Variants in ADCY3 observed in about 807,000 individuals in gnomAD.
The protein encoded by ADCY3 is adenylate cyclase type 3.
Under a neutral mutation model 119.4 loss-of-function variants are expected in ADCY3, and 70 were observed. That is an observed-to-expected ratio of 0.59 (90% CI 0.48 to 0.72). The LOEUF (loss-of-function observed/expected upper bound fraction) is 0.72. Among genes scored for constraint, ADCY3 ranks in the 30% least tolerant of loss-of-function variants. The probability of loss-of-function intolerance (pLI) is 0.00; values close to 1 mark genes in which losing one functional copy is unlikely to be tolerated. For missense variants in ADCY3, 1,238 were observed against 1,541.6 expected (o/e 0.80, Z 3.30); for synonymous variants, 672 against 621.4 (o/e 1.08, Z -1.21).
At chr2:24,917,784 G>A (rs541968657) in intron 2 of ADCY3, among the ~76,000 whole-genome samples, 3 of 152,172 alleles carry the variant, frequency 2.0e-5, no homozygotes, top group Non-Finnish European at 2.9e-5. Context: ...TGACAACTGC[G>A]TCTTCCCTCT....
At position 24,841,040 on chromosome 2, in the gene ADCY3, G is replaced by A. The variant is rs1670937075; in HGVS notation, c.1196+219C>T. Among the ~76,000 whole-genome samples the A allele has an allele frequency of 1.3e-5, 2 of 152,360 alleles. No homozygotes were observed. Among genetic ancestry groups the A allele is most frequent in the South Asian group, 2.1e-4 (1 of 4,832 alleles). On this transcript the variant is annotated intron_variant, in intron 6 of 21. Coordinates refer to ENST00000679454, the MANE Select transcript of ADCY3 (RefSeq NM_004036.5). This position sits in a 1 kb window ranked among gnomAD's most constrained non-coding sequence, Gnocchi z 5.8. ...GAAAAGTGTGCCCCACAGGCTGGGGGAGCCTCGCAGGTCCCCTGGGCTGTG... is the reference window on the plus strand; with the variant it reads ...GAAAAGTGTGCCCCACAGGCTGGGGAAGCCTCGCAGGTCCCCTGGGCTGTG...
Position 24,837,052 on chromosome 2 carries a change from G to A in ADCY3, c.1534-7C>T, listed in dbSNP as rs1293946085. 1 of 1,613,746 alleles carries A rather than the reference G, an allele frequency of 6.2e-7. No individual in the cohort carries two copies. Among genetic ancestry groups the A allele is most frequent in the East Asian group, 2.2e-5 (1 of 44,878 alleles). On this transcript the variant is annotated splice_region_variant and splice_polypyrimidine_tract_variant and intron_variant, in intron 8 of 21. Transcript: ENST00000679454. The stretch of plus-strand genomic sequence containing the variant: ...GTGCTCCATTGGGCAGGGCCTAGAG[G>A]AAAGGAGAGCTCAGCCATGATCTGG...
At chr2:24,895,068 T>C (rs1000852984) in intron 2 of ADCY3, among the ~76,000 whole-genome samples, 2 of 152,118 alleles carry the variant, frequency 1.3e-5, no homozygotes, top group Non-Finnish European at 2.9e-5. Flanking sequence ...GATTACAATG[T>C]GCCTTGATGT....
At chr2:24,875,949 C>T (rs1675631434) in intron 2 of ADCY3, among the ~76,000 whole-genome samples, 1 of 151,618 alleles carries the variant, frequency 6.6e-6, no homozygotes, top group South Asian at 2.1e-4. Flanking sequence ...TATTTCACAA[C>T]CCCATCTTTT....
rs1667172105 is a variant in ADCY3, at chr2:24,819,330, T to G, written c.*602A>C. Reference sequence around the variant, plus strand: ...AGATTAAAAATATAAATGTAGAAGATCTGTTTATATATTTTTCTTTCAGAA... The same window carrying G: ...AGATTAAAAATATAAATGTAGAAGAGCTGTTTATATATTTTTCTTTCAGAA... On this transcript the variant is annotated 3_prime_UTR_variant, in exon 22 of 22. Transcript: ENST00000679454. 1 of 151,504 alleles carries G rather than the reference T, an allele frequency of 6.6e-6. No individual in the cohort carries two copies. Among genetic ancestry groups the G allele is most frequent in the Non-Finnish European group, 1.5e-5 (1 of 67,694 alleles). 9.4% of individuals were successfully genotyped at this position (151,504 alleles called of 1,614,324 possible). A position where few individuals can be genotyped will look rare whatever the true frequency, so the allele number is the denominator to read the frequency against.
Position 24,841,476 on chromosome 2 carries a change from T to C in ADCY3, c.1068+80A>G. On this transcript the variant is annotated intron_variant, in intron 5 of 21. Coordinates refer to ENST00000679454, the MANE Select transcript of ADCY3 (RefSeq NM_004036.5). This position sits in a 1 kb window ranked among gnomAD's most constrained non-coding sequence, Gnocchi z 5.8. ...GCAGAGGAAGGACAGTGGGAGAAAA[T>C]CATGGGGCCGGGGATGGGGGCCAGG... 1 of 1,588,410 alleles carries C rather than the reference T, an allele frequency of 6.3e-7. No individual in the cohort carries two copies. Among genetic ancestry groups the C allele is most frequent in the Non-Finnish European group, 8.6e-7 (1 of 1,165,470 alleles).
At chr2:24,894,339 C>T (rs995684414) in intron 2 of ADCY3, among the ~76,000 whole-genome samples, 2 of 151,958 alleles carry the variant, frequency 1.3e-5, no homozygotes, top group African/African-American at 2.4e-5. Context: ...GCCAGACATG[C>T]TGTTATATGC....
rs1669019390 is a variant in ADCY3, at chr2:24,828,950, C to T, written c.2173-789G>A. Among the ~76,000 whole-genome samples, 3 of 152,274 alleles carry T rather than the reference C, an allele frequency of 2.0e-5. No homozygotes were observed. The South Asian group carries it at 6.2e-4, about 32-fold the overall frequency. ...GCTTCTCTTCCCTGGGTAGTGGGCA[C>T]CAGCAACCCCTGGCCAAGGTAGGCT... On this transcript the variant is annotated intron_variant, in intron 13 of 21. Coordinates refer to ENST00000679454, the MANE Select transcript of ADCY3 (RefSeq NM_004036.5).
chr2:24,847,877 G>T (rs1266240326), intron 3 of ADCY3, among the ~76,000 whole-genome samples: 4 of 152,218 alleles, frequency 2.6e-5, no homozygotes, highest in Non-Finnish European at 5.9e-5. Context: ...CAGGTGGGAG[G>T]CAGCACCCAC....
chr2:24,840,407 C>T (rs1229162735), intron 6 of ADCY3: 1 of 394,158 alleles, frequency 2.5e-6, no homozygotes, highest in Non-Finnish European at 5.1e-6. Context: ...CCGTGAACAG[C>T]CCCCTGCCTG....
Position 24,837,189 on chromosome 2 carries a change from G to A in ADCY3, c.1534-144C>T, listed in dbSNP as rs1670423056. On this transcript the variant is annotated intron_variant, in intron 8 of 21. Coordinates refer to ENST00000679454, the MANE Select transcript of ADCY3 (RefSeq NM_004036.5). ...ACTTGCTTGTGGATTGCAAAGTGAG[G>A]CGTCAAGGATGATTTCAAACTTTTT... is the stretch of plus-strand genomic sequence containing the variant. The A allele has an allele frequency of 4.1e-6, 4 of 979,594 alleles. No individual in the cohort carries two copies. In the Admixed American group the frequency reaches 9.0e-5, roughly 22 times the overall value. The allele number at this position is 979,594 out of a possible 1,614,324, so 60.7% of individuals were successfully genotyped here.
At chr2:24,829,067 C>T (rs1424786473) in intron 13 of ADCY3, among the ~76,000 whole-genome samples, 5 of 151,098 alleles carry the variant, frequency 3.3e-5, no homozygotes, top group East Asian at 3.9e-4. Context: ...CCCAGACTGG[C>T]GTGCAGTGGT....
In ADCY3 at chr2:24,834,886, G is replaced by A. The variant is rs946700376; in HGVS notation, c.1713C>T (p.Asp571=). 12 of 1,613,810 alleles carry A rather than the reference G, an allele frequency of 7.4e-6. No individual in the cohort carries two copies. The highest frequency in any genetic ancestry group is 2.7e-5 in the African/African-American group (2 of 74,940). Residue 571 remains aspartate (D), a synonymous_variant, in exon 10 of 22, where the codon GAC becomes GAT. Transcript: ENST00000679454. The surrounding 1 kb of genome is among the most constrained non-coding windows in gnomAD (Gnocchi z 4.2). ...PNPRRRLRLQ[D]LADRVVDASE... ...AGGCATCCACCACTCGGTCAGCCAG[G>A]TCCTGCAGGCGCAGCCTCCGGCGTG... is the stretch of plus-strand genomic sequence containing the variant.
chr2:24,917,683 G>T (rs1261340754), intron 2 of ADCY3, among the ~76,000 whole-genome samples: 2 of 152,130 alleles, frequency 1.3e-5, no homozygotes, highest in Non-Finnish European at 2.9e-5. Flanking sequence ...GTCCCCATTT[G>T]CATCCCCACA....
At chr2:24,871,678 C>T (rs896309213) in intron 3 of ADCY3, among the ~76,000 whole-genome samples, 1 of 152,240 alleles carries the variant, frequency 6.6e-6, no homozygotes, top group African/African-American at 2.4e-5. Flanking sequence ...CTCCTGAACA[C>T]AGATGACATG....
chr2:24,900,260 G>A (rs752201710), intron 2 of ADCY3, among the ~76,000 whole-genome samples: 5 of 143,962 alleles, frequency 3.5e-5, no homozygotes, highest in East Asian at 2.2e-4. Context: ...ACAGGTGTGC[G>A]CCACCACCCA....
At position 24,842,281 on chromosome 2, in the gene ADCY3, A is replaced by C; in HGVS notation, c.929T>G (p.Met310Arg). ...GACGTTCTCGTGACGGTACATGTAC[A>C]TGGTGTTGAACTGCTGCTGGTCCTT... The part of the protein sequence containing the change: ...SQKDQQQFNT[M>R]YMYRHENVSI... Residue 310 changes from methionine to arginine, a missense_variant, in exon 4 of 22, where the codon ATG (methionine) becomes AGG (arginine). Physicochemically the swap from Met to Arg is moderately conservative, Grantham distance 91. Transcript: ENST00000679454. This position sits in a 1 kb window ranked among gnomAD's most constrained non-coding sequence, Gnocchi z 4.9. 1 of 1,614,066 alleles carries C rather than the reference A, an allele frequency of 6.2e-7. No homozygotes were observed. Among genetic ancestry groups the C allele is most frequent in the Non-Finnish European group, 8.5e-7 (1 of 1,179,998 alleles).
Position 24,834,934 on chromosome 2 carries a change from G to A in ADCY3, c.1665C>T (p.Ala555=), listed in dbSNP as rs150893710. ...SEKPEEQDAQ[A]DNPSFPNPRR... ...GTGGGTTGGGGAATGAGGGGTTGTC[G>A]GCCTGTGAGCCAGGGAGGCAGCGTG... Residue 555 remains alanine (A), a splice_region_variant and synonymous_variant, in exon 10 of 22, where the codon GCC becomes GCT. Coordinates refer to ENST00000679454, the MANE Select transcript of ADCY3 (RefSeq NM_004036.5). The surrounding 1 kb of genome is among the most constrained non-coding windows in gnomAD (Gnocchi z 4.2). 82 of 1,613,074 alleles carry A rather than the reference G, an allele frequency of 5.1e-5. No homozygotes were observed. Among genetic ancestry groups the A allele is most frequent in the Admixed American group, 1.2e-4 (7 of 59,962 alleles).
chr2:24,892,002 A>G (rs890241849), intron 2 of ADCY3, among the ~76,000 whole-genome samples: 5 of 152,246 alleles, frequency 3.3e-5, no homozygotes, highest in Admixed American at 6.5e-5. Flanking sequence ...GAACTACTGT[A>G]TAAGCATTTA....
Sources: allele counts gnomAD v4.1 joint callset (sites outside exome capture counted in the v4.1 genomes callset), GRCh38; gene constraint gnomAD v4.1.1; non-coding constraint Gnocchi (gnomAD v3.1); transcripts MANE v1.5; gene names NCBI Gene and HGNC (gene_info 2026-07-23, HGNC 2026-07-21).